The following DLG2 variants were observed in gnomAD, a reference collection of about 807,000 sequenced individuals.
DLG2 encodes discs large MAGUK scaffold protein 2, also known as disks large homolog 2.
Under a neutral mutation model 132.5 loss-of-function variants are expected in DLG2, and 45 were observed. The ratio of observed to expected loss-of-function variants is 0.34; its 90% CI spans 0.27 to 0.44. The LOEUF (loss-of-function observed/expected upper bound fraction) is 0.44. Ranked by LOEUF, DLG2 falls within the 20% of genes least tolerant of loss-of-function variation. DLG2 has a pLI of 1.00. For synonymous variants in DLG2, 424 were observed against 419.6 expected (o/e 1.01, Z -0.13); for missense variants, 1,045 against 1,196.9 (o/e 0.87, Z 1.87).
At chr11:83,632,935 T>C (rs1474168392) in intron 19 of DLG2, 2 of 379,020 alleles carry the variant, frequency 5.3e-6, no homozygotes, top group Non-Finnish European at 9.6e-6. Context: ...TGAAAATGTT[T>C]CTTCTCATTA....
chr11:85,556,393 T>C (rs1315613124), intron 3 of DLG2, among the ~76,000 whole-genome samples: 1 of 151,896 alleles, frequency 6.6e-6, no homozygotes, highest in African/African-American at 2.4e-5. Context: ...AGGATTATAT[T>C]GTAGTTTCTT....
At position 85,521,520 on chromosome 11, in the gene DLG2, G is replaced by A. The variant is rs1056154405; in HGVS notation, c.40+77137C>T. Among the ~76,000 whole-genome samples the A allele has an allele frequency of 6.6e-5, 10 of 152,178 alleles. No homozygotes were observed. The East Asian group carries it at 1.2e-3, about 18-fold the overall frequency. ...CTGGTGCCACAGAGAGTGGGGTACTGCTATAAAGATATCTGAAAATGTGGA... is the reference window on the plus strand; with the variant it reads ...CTGGTGCCACAGAGAGTGGGGTACTACTATAAAGATATCTGAAAATGTGGA... On this transcript the variant is annotated intron_variant, in intron 3 of 27. Transcript: ENST00000376104.
chr11:85,573,694 G>A (rs944415611), intron 3 of DLG2, among the ~76,000 whole-genome samples: 8 of 152,084 alleles, frequency 5.3e-5, no homozygotes, highest in African/African-American at 7.2e-5. Flanking sequence ...AATAAGTCCC[G>A]TTTTTATTTA....
At chr11:83,942,526 T>C (rs1285048237) in intron 14 of DLG2, among the ~76,000 whole-genome samples, 1 of 152,192 alleles carries the variant, frequency 6.6e-6, no homozygotes, top group East Asian at 1.9e-4. Flanking sequence ...CTATTTCATG[T>C]TTTCTAAATG....
chr11:84,241,897 G>A (rs1305230616), intron 8 of DLG2, among the ~76,000 whole-genome samples: 1 of 152,166 alleles, frequency 6.6e-6, no homozygotes, highest in Non-Finnish European at 1.5e-5. Context: ...CTTTGGGGAG[G>A]AGCTGGAGAT....
intron 3 of DLG2, chr11:85,286,156 G>C (rs1476360884): frequency 4.5e-6 from 2 of 444,354 alleles, no homozygotes; most frequent in East Asian, 1.4e-4. Context: ...CTATACAAAA[G>C]CATCATACTC....
intron 8 of DLG2, among the ~76,000 whole-genome samples, chr11:84,202,193 C>T (rs915863302): frequency 6.6e-6 from 1 of 151,934 alleles, no homozygotes; most frequent in Non-Finnish European, 1.5e-5. Context: ...AAACTGGAGA[C>T]ATCACACTAT....
chr11:84,867,751 T>A (rs906941807), intron 6 of DLG2, among the ~76,000 whole-genome samples: 1 of 152,122 alleles, frequency 6.6e-6, no homozygotes, highest in Middle Eastern at 3.4e-3. Flanking sequence ...GGTACCAGAG[T>A]AAACACAAAA....
In DLG2 at chr11:84,029,799, G is replaced by A. The variant is rs116123207; in HGVS notation, c.919+29516C>T. Reference sequence around the variant, plus strand: ...CTACTTTGGGGCTTTTGCGCCTGTTGGTATTTCTGCATGAAGTGTTCTCTT... The same window carrying A: ...CTACTTTGGGGCTTTTGCGCCTGTTAGTATTTCTGCATGAAGTGTTCTCTT... On this transcript the variant is annotated intron_variant, in intron 11 of 27. Transcript: ENST00000376104. Among the ~76,000 whole-genome samples, 299 of 151,936 alleles carry A rather than the reference G, an allele frequency of 2.0e-3. 1 individual carries two copies. Among genetic ancestry groups the A allele is most frequent in the African/African-American group, 6.2e-3 (258 of 41,446 alleles).
chr11:83,884,507 C>G (rs1275329557), intron 15 of DLG2, among the ~76,000 whole-genome samples: 1 of 152,166 alleles, frequency 6.6e-6, no homozygotes, highest in Non-Finnish European at 1.5e-5. Context: ...GGATCCACCT[C>G]TGGGGGCAGG....
intron 19 of DLG2, among the ~76,000 whole-genome samples, chr11:83,594,620 T>C (rs1447433701): frequency 6.6e-6 from 1 of 152,162 alleles, no homozygotes; most frequent in Non-Finnish European, 1.5e-5. Context: ...ATAGAGGTTG[T>C]TGAAGAGAAG....
At chr11:84,242,350 T>G (rs775281389) in intron 8 of DLG2, among the ~76,000 whole-genome samples, 10 of 152,108 alleles carry the variant, frequency 6.6e-5, no homozygotes, top group South Asian at 2.1e-4. Flanking sequence ...TGTTGGTTTT[T>G]TTTTGTTTTT....
In DLG2 at chr11:85,111,645, G is replaced by C; in HGVS notation, c.357+16C>G. 1.3e-6 allele frequency: 2 copies of C among 1,539,950 alleles called. No individual in the cohort carries two copies. Among genetic ancestry groups the C allele is most frequent in the Non-Finnish European group, 1.8e-6 (2 of 1,139,712 alleles). ...TTTATCCTTCAATCTGCTAATCTTG[G>C]AATAATCAAACTTACAGTACAGTGG... On this transcript the variant is annotated intron_variant, in intron 6 of 27. Coordinates refer to ENST00000376104, the MANE Select transcript of DLG2 (RefSeq NM_001142699.3).
In DLG2 at chr11:84,036,186, G is replaced by A. The variant is rs78324237; in HGVS notation, c.919+23129C>T. Among the ~76,000 whole-genome samples the A allele has an allele frequency of 9.4e-3, 1,427 of 151,986 alleles. 11 individuals are homozygous for A. The highest frequency in any genetic ancestry group is 0.016 in the Non-Finnish European group (1,071 of 67,958). On this transcript the variant is annotated intron_variant, in intron 11 of 27. Coordinates refer to ENST00000376104, the MANE Select transcript of DLG2 (RefSeq NM_001142699.3). ...ACGGAGGTACCAACACTGAATCTTC[G>A]GGAACTCTAGGCTTTAGAGGTTAAA...
intron 6 of DLG2, among the ~76,000 whole-genome samples, chr11:84,731,887 T>G (rs1419459607): frequency 6.6e-6 from 1 of 152,022 alleles, no homozygotes; most frequent in Non-Finnish European, 1.5e-5. Context: ...AACATATCTA[T>G]CACCTTCAAA....
At chr11:84,882,979 A>G (rs1199048656) in intron 6 of DLG2, among the ~76,000 whole-genome samples, 1 of 152,138 alleles carries the variant, frequency 6.6e-6, no homozygotes, top group African/African-American at 2.4e-5. Flanking sequence ...AAAGGATTAT[A>G]AATCATTCTG....
chr11:83,488,327 C>T (rs1456844476), intron 21 of DLG2, among the ~76,000 whole-genome samples: 1 of 151,898 alleles, frequency 6.6e-6, no homozygotes. Context: ...CATTAGAACA[C>T]CCATACTAGG....
At chr11:83,798,232 A>C (rs1051414372) in intron 17 of DLG2, among the ~76,000 whole-genome samples, 1 of 152,240 alleles carries the variant, frequency 6.6e-6, no homozygotes, top group African/African-American at 2.4e-5. Context: ...TACCAGCTCT[A>C]TGACTTTGGG....
At chr11:83,699,881 C>CTATG (rs36080078) in intron 18 of DLG2, among the ~76,000 whole-genome samples, 179 of 147,700 alleles carry the variant, frequency 1.2e-3, no homozygotes, top group East Asian at 3.7e-3. Context: ...GTCTGTCTTT[C>CTATG]TATGTATGTA....
Sources: allele counts gnomAD v4.1 joint callset (sites outside exome capture counted in the v4.1 genomes callset), GRCh38; gene constraint gnomAD v4.1.1; transcripts MANE v1.5; gene names NCBI Gene and HGNC (gene_info 2026-07-23, HGNC 2026-07-21).